Variants in C5 observed in about 807,000 individuals in gnomAD.
C5 encodes the protein complement C5, also known as C3 and PZP-like alpha-2-macroglobulin domain-containing protein 4.
A neutral mutation model predicts 218.8 loss-of-function variants in C5; 140 were observed. The ratio of observed to expected loss-of-function variants is 0.64; its 90% CI spans 0.56 to 0.74. C5 has a LOEUF of 0.74. C5 is among the 30% of genes least tolerant of loss of function. C5 has a pLI of 0.00. For synonymous variants in C5, 614 were observed against 682.3 expected, an observed-to-expected ratio of 0.90 and a Z score of 1.56; for missense variants, 1,700 against 1,969.6, an observed-to-expected ratio of 0.86 and a Z score of 2.59.
chr9:121,068,692 C>A, the C5 span, among the ~76,000 whole-genome samples: 22 of 152,116 alleles, frequency 1.4e-4, no homozygotes, highest in Non-Finnish European at 2.9e-4. Context: ...ACAAAAAGAA[C>A]AAAGCTAGAG....
At chr9:121,059,420 CCTT>C in the C5 span, among the ~76,000 whole-genome samples, 2 of 152,220 alleles carry the variant, frequency 1.3e-5, no homozygotes, top group Admixed American at 1.3e-4. This position sits in a 1 kb window ranked among gnomAD's most constrained non-coding sequence, Gnocchi z 4.1. Flanking sequence ...GTACCCTAGA[CCTT>C]CTAATGAATC....
At chr9:121,025,394 T>C in intron 9 of C5, 60 bp downstream of exon 9, 3 of 1,443,332 alleles carry the variant, frequency 2.1e-6, no homozygotes, top group South Asian at 2.8e-5. Context: ...TAATATTCTG[T>C]CTAAATATTT....
chr9:120,994,035 G>C (rs2047097722), intron 22 of C5, among the ~76,000 whole-genome samples: 1 of 152,118 alleles, frequency 6.6e-6, no homozygotes, highest in Non-Finnish European at 1.5e-5. Context: ...TGGGAGAAAA[G>C]GGCTTATCAG....
the C5 span, among the ~76,000 whole-genome samples, chr9:121,066,642 C>A: frequency 6.7e-6 from 1 of 150,082 alleles, no homozygotes; most frequent in African/African-American, 2.5e-5. Context: ...GTCGGGAGTT[C>A]GAGATCAGAC....
In C5 at chr9:121,002,316, GTATA is replaced by G. The variant is rs71370614; in HGVS notation, c.2562+3599_2562+3602del. ...TATATATGTATATATATATGTGTGT[GTATA>G]TATATATATATATATATATATACAC... On this transcript the variant is annotated intron_variant, in intron 20 of 40. Coordinates refer to ENST00000223642, the MANE Select transcript of C5 (RefSeq NM_001735.3). Among the ~76,000 whole-genome samples the G allele has an allele frequency of 2.3e-4, 20 of 87,396 alleles. 1 individual carries two copies. Among genetic ancestry groups the G allele is most frequent in the Non-Finnish European group, 2.9e-4 (13 of 45,322 alleles). 57.3% of individuals were successfully genotyped at this position (87,396 alleles called of 152,430 possible). A position where few individuals can be genotyped will look rare whatever the true frequency, so the allele number is the denominator to read the frequency against.
chr9:121,027,370 G>C (rs2047433571), intron 7 of C5, 96 bp from the exon 8 acceptor site: 2 of 729,832 alleles, frequency 2.7e-6, no homozygotes, highest in East Asian at 2.7e-5. Flanking sequence ...AAGCACTTGA[G>C]GCACTTTAAA....
upstream of C5, among the ~76,000 whole-genome samples, chr9:121,052,599 T>C (rs192741357): frequency 6.6e-5 from 10 of 152,280 alleles, no homozygotes; most frequent in East Asian, 1.3e-3. Context: ...CACCTGACCT[T>C]CCTGCTAATG....
intron 7 of C5, among the ~76,000 whole-genome samples, chr9:121,029,538 G>C (rs181673624): frequency 7.2e-5 from 11 of 152,270 alleles, no homozygotes; most frequent in Admixed American, 2.0e-4. Flanking sequence ...TAGTTATATA[G>C]ATTGGTATAA....
chr9:121,054,431 C>T (rs1386977307), upstream of C5, among the ~76,000 whole-genome samples: 1 of 152,116 alleles, frequency 6.6e-6, no homozygotes, highest in African/African-American at 2.4e-5. Context: ...GAAACCTCAT[C>T]TCTACTAAAA....
chr9:121,042,726 T>C (rs1249503796), intron 3 of C5, among the ~76,000 whole-genome samples: 2 of 152,334 alleles, frequency 1.3e-5, no homozygotes, highest in African/African-American at 4.8e-5. Flanking sequence ...ACATTCAACA[T>C]TTTACAATTT....
intron 22 of C5, among the ~76,000 whole-genome samples, chr9:120,995,009 T>C (rs1334618680): frequency 6.6e-6 from 1 of 151,918 alleles, no homozygotes; most frequent in African/African-American, 2.4e-5. Context: ...CCCTTGAAAC[T>C]TGTAATATCT....
At chr9:120,980,519 C>T (rs1329297701) in intron 27 of C5, among the ~76,000 whole-genome samples, 1 of 152,160 alleles carries the variant, frequency 6.6e-6, no homozygotes, top group Non-Finnish European at 1.5e-5. Flanking sequence ...AGGTTTTGTG[C>T]CTTTAGTTTC....
At chr9:121,009,314 C>G (rs2047242356) in intron 17 of C5, among the ~76,000 whole-genome samples, 1 of 152,214 alleles carries the variant, frequency 6.6e-6, no homozygotes, top group East Asian at 1.9e-4. Context: ...ACTGTGATCT[C>G]TAAGAGAAAG....
At position 120,999,529 on chromosome 9, in the gene C5, T is replaced by C. The variant is rs529503351; in HGVS notation, c.2563-1755A>G. The C allele has an allele frequency of 4.9e-4, 91 of 184,220 alleles. 1 individual carries two copies. The highest frequency in any genetic ancestry group is 8.8e-4 in the Non-Finnish European group (78 of 88,150). The allele number at this position is 184,220 out of a possible 1,614,324, so 11.4% of individuals were successfully genotyped here. On this transcript the variant is annotated intron_variant, in intron 20 of 40. Coordinates refer to ENST00000223642, the MANE Select transcript of C5 (RefSeq NM_001735.3). ...GCTCAAACCTGGCTGACCCTTGACC[T>C]ATGCACAGCACAGATTTCTAGCATC...
intron 5 of C5, among the ~76,000 whole-genome samples, 193 bp downstream of exon 5, chr9:121,034,610 A>C (rs546017585): frequency 1.2e-4 from 18 of 152,322 alleles, no homozygotes; most frequent in Admixed American, 3.9e-4. Context: ...TCTATATGTA[A>C]AAAGAATGGC....
intron 2 of C5, among the ~76,000 whole-genome samples, chr9:121,044,269 G>A (rs2047606174): frequency 6.6e-6 from 1 of 152,160 alleles, no homozygotes; most frequent in Non-Finnish European, 1.5e-5. Context: ...GAGGTCAGGA[G>A]TTCGAGACCA....
chr9:121,051,816 A>C (rs1014749479), upstream of C5, among the ~76,000 whole-genome samples: 14 of 152,200 alleles, frequency 9.2e-5, no homozygotes, highest in African/African-American at 3.4e-4. Flanking sequence ...TTTATTTCAA[A>C]AGGGAATCTG....
the C5 span, among the ~76,000 whole-genome samples, chr9:121,063,261 T>A: frequency 6.6e-6 from 1 of 151,832 alleles, no homozygotes; most frequent in African/African-American, 2.4e-5. Flanking sequence ...TTGATCTATC[T>A]TCAAGTTCAT....
At chr9:120,982,432 C>T (rs1459513618) in intron 26 of C5, among the ~76,000 whole-genome samples, 5 of 152,190 alleles carry the variant, frequency 3.3e-5, no homozygotes, top group East Asian at 1.9e-4. Flanking sequence ...CCCCGTTAAA[C>T]GAGAGGTCTA....
Sources: allele counts gnomAD v4.1 joint callset (sites outside exome capture counted in the v4.1 genomes callset), GRCh38; gene constraint gnomAD v4.1.1; non-coding constraint Gnocchi (gnomAD v3.1); transcripts MANE v1.5; gene names NCBI Gene and HGNC (gene_info 2026-07-23, HGNC 2026-07-21).